SCGB2B2: variants seen among roughly 807,000 people sequenced by gnomAD.
SCGB2B2 encodes the protein secretoglobin-like protein.
In SCGB2B2, 11 loss-of-function variants were observed where a neutral mutation model predicts 7.6. The ratio of observed to expected loss-of-function variants is 1.45; its 90% confidence interval spans 0.91 to 2.40. The LOEUF (loss-of-function observed/expected upper bound fraction) is 2.40, where lower values mean the gene tolerates loss of function less well. SCGB2B2 is among the 30% of genes most tolerant of loss of function. The probability of loss-of-function intolerance (pLI) is 0.00; values close to 1 mark genes in which losing one functional copy is unlikely to be tolerated. For synonymous variants in SCGB2B2, 50 were observed against 48.6 expected, an observed-to-expected ratio of 1.03 and a Z score of -0.12; for missense variants, 104 against 115.4, an observed-to-expected ratio of 0.90 and a Z score of 0.45.
intron 1 of SCGB2B2, among the ~76,000 whole-genome samples, chr19:34,638,976 T>G (rs1190384181): frequency 6.6e-6 from 1 of 152,208 alleles, no homozygotes; most frequent in African/African-American, 2.4e-5. Flanking sequence ...ACTCTTGAAG[T>G]TTTTCTCCAG....
At chr19:34,607,397 C>T (rs978167629) in intron 1 of SCGB2B2, among the ~76,000 whole-genome samples, 1 of 152,108 alleles carries the variant, frequency 6.6e-6, no homozygotes, top group South Asian at 2.1e-4. Context: ...ATCTTGGTGA[C>T]CATGAATAAT....
chr19:34,604,484 T>C (rs2065722939), intron 1 of SCGB2B2, among the ~76,000 whole-genome samples: 1 of 152,232 alleles, frequency 6.6e-6, no homozygotes, highest in Admixed American at 6.5e-5. Context: ...GAGCCCAGCT[T>C]ATATCAGCTG....
intron 1 of SCGB2B2, among the ~76,000 whole-genome samples, chr19:34,669,714 T>TACACACATACACACACAC (rs1555750459): frequency 7.2e-6 from 1 of 139,498 alleles, no homozygotes; most frequent in East Asian, 2.1e-4. Flanking sequence ...TGCCCCCACT[T>TACACACATACACACACAC]ACACACACAC....
rs140842488 is a variant in SCGB2B2 at position 34,612,450 on chromosome 19, G to C, written c.-2031-15856C>G. Among the ~76,000 whole-genome samples the C allele has an allele frequency of 2.8e-4, 43 of 152,246 alleles. No individual in the cohort carries two copies. In the East Asian group the frequency reaches 6.9e-3, roughly 25 times the overall value. On this transcript the variant is annotated intron_variant, in intron 1 of 3. Transcript: ENST00000601241. ...TGTAATAATCACATTAGGGTAAATG[G>C]AATATCTATCACCTGAAGCATTTAT...
At chr19:34,625,474 C>G (rs1370076489) in intron 1 of SCGB2B2, among the ~76,000 whole-genome samples, 1 of 152,208 alleles carries the variant, frequency 6.6e-6, no homozygotes, top group Non-Finnish European at 1.5e-5. Context: ...GAGATTATAT[C>G]CCATGCATGG....
chr19:34,620,012 TA>T (rs968597506), intron 1 of SCGB2B2, among the ~76,000 whole-genome samples: 82 of 151,522 alleles, frequency 5.4e-4, no homozygotes, highest in African/African-American at 1.7e-3. Context: ...TATTCTTTTT[TA>T]AAAAAAAATA....
chr19:34,664,510 C>T (rs1347120496), intron 1 of SCGB2B2, among the ~76,000 whole-genome samples: 1 of 152,184 alleles, frequency 6.6e-6, no homozygotes, highest in Non-Finnish European at 1.5e-5. Context: ...TGTGCCTTGG[C>T]TGAGGGACGT....
chr19:34,632,614 C>T (rs2145956369), intron 1 of SCGB2B2: 1 of 152,262 alleles, frequency 6.6e-6, no homozygotes, highest in East Asian at 1.9e-4. Context: ...TTGGTGAGGA[C>T]ATGGAGTTCC....
intron 1 of SCGB2B2, among the ~76,000 whole-genome samples, chr19:34,650,254 A>G (rs58697828): frequency 0.3 from 46,026 of 150,938 alleles, 8,112 homozygotes; most frequent in Non-Finnish European, 0.37. Flanking sequence ...TTTAATCCCA[A>G]GAAACCTATG....
intron 1 of SCGB2B2, among the ~76,000 whole-genome samples, chr19:34,648,809 G>A (rs984067472): frequency 2.0e-5 from 3 of 151,678 alleles, no homozygotes; most frequent in Non-Finnish European, 2.9e-5. Context: ...AGAACATGTT[G>A]CATTATTTAT....
At chr19:34,621,771 C>G (rs1376938907) in intron 1 of SCGB2B2, among the ~76,000 whole-genome samples, 1 of 152,198 alleles carries the variant, frequency 6.6e-6, no homozygotes, top group Admixed American at 6.5e-5. Context: ...AAAAGTCTGA[C>G]TGTAAAAAAA....
intron 1 of SCGB2B2, among the ~76,000 whole-genome samples, chr19:34,660,315 A>G (rs1200743155): frequency 6.6e-6 from 1 of 152,242 alleles, no homozygotes; most frequent in East Asian, 1.9e-4. Flanking sequence ...GCTTCTGCAC[A>G]GCAAAAGAAA....
rs1475082087 is a variant in SCGB2B2 at position 34,676,689 on chromosome 19, G to T, written c.-3091C>A. On this transcript the variant is annotated 5_prime_UTR_variant, in exon 1 of 4. The change creates a premature stop within an existing upstream ORF in the 5' untranslated region. Transcript: ENST00000601241. ...TCCGGACCCCTTTCTGGTAACAGAA[G>T]CACTGCTTCACGAAGATCATGCAGG... is the stretch of plus-strand genomic sequence containing the variant. 6.6e-6 allele frequency: 1 copy of T among 152,200 alleles called. No homozygotes were observed. Among genetic ancestry groups the T allele is most frequent in the Non-Finnish European group, 1.5e-5 (1 of 68,034 alleles). 9.4% of individuals were successfully genotyped at this position (152,200 alleles called of 1,614,324 possible).
chr19:34,653,903 G>C (rs544282445), intron 1 of SCGB2B2, among the ~76,000 whole-genome samples: 10 of 149,954 alleles, frequency 6.7e-5, no homozygotes, highest in Non-Finnish European at 1.3e-4. Flanking sequence ...CTAAGATCAG[G>C]AACAAGATGA....
At chr19:34,607,869 T>A (rs577124018) in intron 1 of SCGB2B2, among the ~76,000 whole-genome samples, 74 of 152,382 alleles carry the variant, frequency 4.9e-4, no homozygotes, top group Non-Finnish European at 5.6e-4. Flanking sequence ...GGTTTACAAA[T>A]ATTTTCTCTC....
intron 1 of SCGB2B2, among the ~76,000 whole-genome samples, chr19:34,615,766 A>C (rs1188559762): frequency 6.6e-6 from 1 of 151,950 alleles, no homozygotes; most frequent in Admixed American, 6.6e-5. Context: ...ACATATGTAT[A>C]CATGTGCCAT....
chr19:34,639,592 G>T (rs769650762), intron 1 of SCGB2B2, among the ~76,000 whole-genome samples: 1 of 152,062 alleles, frequency 6.6e-6, no homozygotes, highest in Non-Finnish European at 1.5e-5. Flanking sequence ...TGCTGTAAAG[G>T]GACCACAAAG....
chr19:34,668,327 T>TA (rs2067697852), intron 1 of SCGB2B2, among the ~76,000 whole-genome samples: 1 of 152,048 alleles, frequency 6.6e-6, no homozygotes, highest in Non-Finnish European at 1.5e-5. Flanking sequence ...GTGAGGGGCT[T>TA]AGCACCTGGG....
chr19:34,616,378 A>C (rs1283763031), intron 1 of SCGB2B2, among the ~76,000 whole-genome samples: 1 of 124,280 alleles, frequency 8.0e-6, no homozygotes, highest in East Asian at 2.1e-4. Context: ...AATGATCGCC[A>C]TTCTAACTGG....
Sources: gnomAD v4.1 joint callset for allele counts (sites outside exome capture counted in the v4.1 genomes callset) on GRCh38, gnomAD v4.1.1 for gene constraint, MANE v1.5 for transcripts, NCBI Gene and HGNC (gene_info 2026-07-23, HGNC 2026-07-21) for gene names.